IGF2BP2: variants seen among roughly 807,000 people sequenced by gnomAD.
IGF2BP2 encodes insulin-like growth factor 2 mRNA-binding protein 2.
A neutral mutation model predicts 75.8 loss-of-function variants in IGF2BP2; 17 were observed. The ratio of observed to expected loss-of-function variants is 0.22; its 90% CI spans 0.15 to 0.34. The LOEUF (loss-of-function observed/expected upper bound fraction) is 0.34, where lower values mean the gene tolerates loss of function less well. Among genes scored for constraint, IGF2BP2 ranks in the 10% least tolerant of loss-of-function variants. IGF2BP2 has a pLI of 1.00. For synonymous variants in IGF2BP2, 288 were observed against 295.6 expected, an observed-to-expected ratio of 0.97 and a Z score of 0.26; for missense variants, 516 against 772.4, an observed-to-expected ratio of 0.67 and a Z score of 3.93.
intron 2 of IGF2BP2, among the ~76,000 whole-genome samples, chr3:185,705,823 C>A (rs2149392398): frequency 6.6e-6 from 1 of 152,296 alleles, no homozygotes; most frequent in African/African-American, 2.4e-5. Flanking sequence ...TAATCCCCTT[C>A]ATGAGGGTTC....
chr3:185,796,564 CAAAAAA>C (rs60331633), intron 2 of IGF2BP2, among the ~76,000 whole-genome samples: 47 of 71,802 alleles, frequency 6.5e-4, no homozygotes, highest in African/African-American at 1.9e-3. Context: ...CATTCCGTCT[CAAAAAA>C]AAAAAAAAAA....
At chr3:185,707,980 G>A (rs1265617067) in intron 2 of IGF2BP2, among the ~76,000 whole-genome samples, 2 of 152,146 alleles carry the variant, frequency 1.3e-5, no homozygotes, top group East Asian at 1.9e-4. Context: ...TGTTTCTGAG[G>A]TAAACCCAAA....
intron 2 of IGF2BP2, among the ~76,000 whole-genome samples, chr3:185,751,475 G>T (rs543710005): frequency 1.3e-5 from 2 of 150,462 alleles, no homozygotes; most frequent in African/African-American, 5.0e-5. Context: ...GTACTCAGGA[G>T]GCTGAGGCAG....
chr3:185,680,191 T>C (rs994353581), intron 7 of IGF2BP2, among the ~76,000 whole-genome samples: 2 of 152,160 alleles, frequency 1.3e-5, no homozygotes, highest in Non-Finnish European at 2.9e-5. Flanking sequence ...TGCCTACAAA[T>C]TTAATAACCT....
intron 2 of IGF2BP2, among the ~76,000 whole-genome samples, chr3:185,755,581 G>A (rs1220431241): frequency 1.3e-5 from 2 of 152,222 alleles, no homozygotes; most frequent in Admixed American, 6.5e-5. Context: ...GCAGCCATGT[G>A]GGCTGTGCTC....
At chr3:185,706,820 A>G (rs1352567148) in intron 2 of IGF2BP2, among the ~76,000 whole-genome samples, 3 of 150,108 alleles carry the variant, frequency 2.0e-5, no homozygotes, top group Non-Finnish European at 4.4e-5. Flanking sequence ...GGCTTACTGC[A>G]GCCTTGGTGT....
intron 2 of IGF2BP2, among the ~76,000 whole-genome samples, chr3:185,749,266 TA>T (rs1412664106): frequency 2.0e-5 from 3 of 152,248 alleles, no homozygotes; most frequent in African/African-American, 7.2e-5. Context: ...GGCTCTGTTG[TA>T]AAGGATAATT....
In IGF2BP2 at chr3:185,692,782, T is replaced by C. The variant is rs1722120671; in HGVS notation, c.341-20A>G. The C allele has an allele frequency of 5.0e-6, 8 of 1,612,480 alleles. No individual in the cohort carries two copies. Among genetic ancestry groups the C allele is most frequent in the Non-Finnish European group, 6.8e-6 (8 of 1,178,922 alleles). On this transcript the variant is annotated intron_variant, in intron 4 of 15. Coordinates refer to ENST00000382199, the MANE Select transcript of IGF2BP2 (RefSeq NM_006548.6). ...TGTTGACTAGGGAAAAGGCAAAAAC[T>C]ACACTGTCATAGGAAAAAGTGCTGT...
intron 10 of IGF2BP2, among the ~76,000 whole-genome samples, chr3:185,659,140 G>T (rs184235129): frequency 7.5e-4 from 114 of 152,198 alleles, no homozygotes; most frequent in African/African-American, 2.6e-3. Context: ...GATCACTTGA[G>T]CCTAGGAATT....
At chr3:185,790,930 T>C (rs1326668353) in intron 2 of IGF2BP2, among the ~76,000 whole-genome samples, 1 of 152,242 alleles carries the variant, frequency 6.6e-6, no homozygotes, top group Non-Finnish European at 1.5e-5. Flanking sequence ...ATTAGTTTAT[T>C]GTTAAGGACA....
In IGF2BP2 at chr3:185,650,775, T is replaced by C. The variant is rs188274525; in HGVS notation, c.1462-1241A>G. 3.3e-5 allele frequency among the ~76,000 whole-genome samples: 5 copies of C among 152,356 alleles called. No homozygotes were observed. The East Asian group carries it at 7.7e-4, about 23-fold the overall frequency. On this transcript the variant is annotated intron_variant, in intron 13 of 15. Coordinates refer to ENST00000382199, the MANE Select transcript of IGF2BP2 (RefSeq NM_006548.6). ...ATCTATTCAGAACATTTCCACACTA[T>C]TCCCCCAGATAAAAACCTCATAACT...
At chr3:185,723,326 C>T (rs528254524) in intron 2 of IGF2BP2, among the ~76,000 whole-genome samples, 150 of 152,290 alleles carry the variant, frequency 9.8e-4, no homozygotes, top group African/African-American at 3.6e-3. Context: ...TCCACAGCAG[C>T]CTACAGTCAA....
intron 2 of IGF2BP2, among the ~76,000 whole-genome samples, chr3:185,736,334 G>A (rs947769379): frequency 3.3e-5 from 5 of 152,126 alleles, no homozygotes; most frequent in Admixed American, 2.0e-4. Flanking sequence ...TTTTAAGACT[G>A]CCCTCTAAAT....
intron 13 of IGF2BP2, among the ~76,000 whole-genome samples, chr3:185,650,540 G>T (rs1250117768): frequency 1.3e-5 from 2 of 152,026 alleles, no homozygotes; most frequent in Admixed American, 6.5e-5. Context: ...AGCCAGGTGT[G>T]GGGGCATGCC....
At chr3:185,654,662 C>T (rs1184352087) in intron 12 of IGF2BP2, among the ~76,000 whole-genome samples, 1 of 152,220 alleles carries the variant, frequency 6.6e-6, no homozygotes, top group African/African-American at 2.4e-5. Flanking sequence ...TCCATGCACA[C>T]ACTCCCTCTA....
At chr3:185,794,568 C>T (rs76671096) in intron 2 of IGF2BP2, among the ~76,000 whole-genome samples, 2,411 of 151,832 alleles carry the variant, frequency 0.016, 96 homozygotes, top group South Asian at 0.14. Flanking sequence ...CCATGCACAT[C>T]CAGAGTTCCC....
rs189996884 is a variant in IGF2BP2 at position 185,817,210 on chromosome 3, T to C, written c.239+5943A>G. On this transcript the variant is annotated intron_variant, in intron 2 of 15. Coordinates refer to ENST00000382199, the MANE Select transcript of IGF2BP2 (RefSeq NM_006548.6). ...AATAAAGTGTAGAACAGATAAATAA[T>C]GAGGAATAAACAAAATGTATCTCAA... 2.0e-5 allele frequency among the ~76,000 whole-genome samples: 3 copies of C among 152,298 alleles called. No homozygotes were observed. The East Asian group carries it at 5.8e-4, about 29-fold the overall frequency.
At chr3:185,816,992 T>C (rs1445055274) in intron 2 of IGF2BP2, among the ~76,000 whole-genome samples, 1 of 152,256 alleles carries the variant, frequency 6.6e-6, no homozygotes, top group Non-Finnish European at 1.5e-5. Context: ...TATTGCAATG[T>C]TCCCATACAA....
intron 2 of IGF2BP2, among the ~76,000 whole-genome samples, chr3:185,737,408 A>G (rs1354445278): frequency 6.6e-6 from 1 of 152,212 alleles, no homozygotes; most frequent in Non-Finnish European, 1.5e-5. Context: ...CTAGTCCTGG[A>G]TCTGCTCCAA....
Sources: allele counts gnomAD v4.1 joint callset (sites outside exome capture counted in the v4.1 genomes callset), GRCh38; gene constraint gnomAD v4.1.1; transcripts MANE v1.5; gene names NCBI Gene and HGNC (gene_info 2026-07-23, HGNC 2026-07-21).